Variants in SOHLH2 observed in about 807,000 individuals in gnomAD.
SOHLH2 encodes the protein spermatogenesis- and oogenesis-specific basic helix-loop-helix-containing protein 2.
Under a neutral mutation model 50.4 loss-of-function variants are expected in SOHLH2, and 22 were observed. The observed-to-expected ratio is 0.44, with a 90% CI of 0.31 to 0.62. The LOEUF (loss-of-function observed/expected upper bound fraction) is 0.62, where lower values mean the gene tolerates loss of function less well. Among genes scored for constraint, SOHLH2 ranks in the 20% least tolerant of loss-of-function variants. The pLI is 0.08. For missense variants in SOHLH2, 412 were observed against 504.4 expected, an observed-to-expected ratio of 0.82 and a Z score of 1.76; for synonymous variants, 185 against 187.3, an observed-to-expected ratio of 0.99 and a Z score of 0.10.
intron 1 of SOHLH2, among the ~76,000 whole-genome samples, chr13:36,213,919 T>C (rs996454869): frequency 6.6e-6 from 1 of 152,068 alleles, no homozygotes; most frequent in Admixed American, 6.6e-5. Context: ...ATAAAAATCA[T>C]CGTTCACATT....
chr13:36,177,622 G>A (rs1188569581), intron 6 of SOHLH2, among the ~76,000 whole-genome samples: 1 of 152,076 alleles, frequency 6.6e-6, no homozygotes, highest in Admixed American at 6.5e-5. Context: ...GGCATACACA[G>A]TAGTATCCAT....
intron 6 of SOHLH2, among the ~76,000 whole-genome samples, chr13:36,186,940 A>T (rs960482885): frequency 6.6e-6 from 1 of 152,168 alleles, no homozygotes; most frequent in Non-Finnish European, 1.5e-5. Context: ...GAGGAGGAAG[A>T]AAGGAAACAG....
intron 5 of SOHLH2, among the ~76,000 whole-genome samples, chr13:36,190,549 C>T (rs1358412390): frequency 6.6e-6 from 1 of 152,132 alleles, no homozygotes; most frequent in Non-Finnish European, 1.5e-5. Context: ...TTCAGGCATT[C>T]TGATTGATTT....
At chr13:36,183,929 AAG>A (rs1171134691) in intron 6 of SOHLH2, among the ~76,000 whole-genome samples, 1 of 152,200 alleles carries the variant, frequency 6.6e-6, no homozygotes, top group Non-Finnish European at 1.5e-5. Context: ...GAAAGGGAAA[AAG>A]AGTTGTCACT....
chr13:36,181,491 A>G (rs1337115473), intron 6 of SOHLH2, among the ~76,000 whole-genome samples: 6 of 152,034 alleles, frequency 3.9e-5, no homozygotes, highest in Non-Finnish European at 8.8e-5. Context: ...CATTTTGCCT[A>G]TCTCTTTAGG....
intron 1 of SOHLH2, among the ~76,000 whole-genome samples, chr13:36,207,338 C>T (rs1377402439): frequency 6.6e-6 from 1 of 151,736 alleles, no homozygotes; most frequent in Admixed American, 6.6e-5. Context: ...TACTCTTAGG[C>T]TGATCAAATT....
chr13:36,214,539 C>A lies in SOHLH2; in HGVS notation c.-13G>T, dbSNP rs766643228. ...TTGAGGAAGCCATGGCCGCTGCGCA[C>A]GTGCTGGGTCCTGGGGCAGCCTCCC... On this transcript the variant is annotated 5_prime_UTR_variant, in exon 1 of 11. Coordinates refer to ENST00000379881, the MANE Select transcript of SOHLH2 (RefSeq NM_017826.3). The A allele has an allele frequency of 1.2e-6, 2 of 1,609,550 alleles. No homozygotes were observed. The highest frequency in any genetic ancestry group is 1.7e-6 in the Non-Finnish European group (2 of 1,178,284).
rs367590032 is a variant in SOHLH2, at chr13:36,193,679, C to T, written c.372G>A (p.Leu124=). The T allele has an allele frequency of 2.5e-5, 40 of 1,612,708 alleles. No individual in the cohort carries two copies. Among genetic ancestry groups the T allele is most frequent in the Non-Finnish European group, 3.3e-5 (39 of 1,179,702 alleles). ...HGMDIALTEP[L]TMEKMSNVVK... Reference sequence around the variant, plus strand: ...CCACATTACTCATTTTTTCCATTGTCAGTGGTTCAGTTAAAGCAATATCCA... The same window carrying T: ...CCACATTACTCATTTTTTCCATTGTTAGTGGTTCAGTTAAAGCAATATCCA... Residue 124 remains leucine, a synonymous_variant, in exon 4 of 11, where the codon CTG becomes CTA. Coordinates refer to ENST00000379881, the MANE Select transcript of SOHLH2 (RefSeq NM_017826.3).
At chr13:36,191,713 C>T (rs1566041298) in intron 5 of SOHLH2, 82 bp downstream of exon 5, 3 of 1,538,106 alleles carry the variant, frequency 2.0e-6, no homozygotes, top group East Asian at 2.3e-5. Context: ...ACAGCAAATG[C>T]TGCACCCCTC....
chr13:36,202,121 CA>C (rs1566045397), intron 1 of SOHLH2, 28 bp from the exon 2 acceptor site: 1 of 1,612,022 alleles, frequency 6.2e-7, no homozygotes. Flanking sequence ...AGAGGCGTCA[CA>C]TAATTATTGC....
chr13:36,213,893 CTT>C (rs1869270354), intron 1 of SOHLH2, among the ~76,000 whole-genome samples: 2 of 152,234 alleles, frequency 1.3e-5, no homozygotes, highest in Non-Finnish European at 2.9e-5. Flanking sequence ...CCTAAATAAA[CTT>C]TCTTATATTA....
At chr13:36,209,606 G>A (rs972623964) in intron 1 of SOHLH2, among the ~76,000 whole-genome samples, 1 of 152,132 alleles carries the variant, frequency 6.6e-6, no homozygotes, top group African/African-American at 2.4e-5. Flanking sequence ...CCTCCCTTAT[G>A]ACCTAATCAC....
At chr13:36,203,136 T>C (rs774620873) in intron 1 of SOHLH2, among the ~76,000 whole-genome samples, 1 of 152,208 alleles carries the variant, frequency 6.6e-6, no homozygotes, top group Non-Finnish European at 1.5e-5. Flanking sequence ...CAATCCCTTC[T>C]CTGAAAGGAA....
In SOHLH2 at chr13:36,168,722, T is replaced by C; in HGVS notation, c.*312A>G. The C allele has an allele frequency of 2.6e-6, 1 of 391,148 alleles. No individual in the cohort carries two copies. The highest frequency in any genetic ancestry group is 4.5e-6 in the Non-Finnish European group (1 of 220,368). 24.2% of individuals were successfully genotyped at this position (391,148 alleles called of 1,614,324 possible). A position where few individuals can be genotyped will look rare whatever the true frequency, so the allele number is the denominator to read the frequency against. On this transcript the variant is annotated 3_prime_UTR_variant, in exon 11 of 11. Coordinates refer to ENST00000379881, the MANE Select transcript of SOHLH2 (RefSeq NM_017826.3). Reference sequence around the variant, plus strand: ...ATGGATCTTCCTTATAGCATGCTTTTTTCATAAATTGTGGAATATTTTTTG... The same window carrying C: ...ATGGATCTTCCTTATAGCATGCTTTCTTCATAAATTGTGGAATATTTTTTG...
chr13:36,207,894 A>C (rs1314299646), intron 1 of SOHLH2, among the ~76,000 whole-genome samples: 1 of 152,194 alleles, frequency 6.6e-6, no homozygotes, highest in Non-Finnish European at 1.5e-5. Flanking sequence ...ATGGTGTCAT[A>C]TATCAATGAG....
chr13:36,190,080 C>A, intron 5 of SOHLH2, 24 bp from the exon 6 acceptor site: 1 of 1,577,816 alleles, frequency 6.3e-7, no homozygotes, highest in South Asian at 1.2e-5. Flanking sequence ...AAAATCACAC[C>A]ATACATTAAA....
At chr13:36,171,479 T>A (rs1488944827) in intron 9 of SOHLH2, among the ~76,000 whole-genome samples, 1 of 152,192 alleles carries the variant, frequency 6.6e-6, no homozygotes, top group African/African-American at 2.4e-5. Flanking sequence ...AACTTCCTGA[T>A]GCGGGTAGTG....
At position 36,188,794 on chromosome 13, in the gene SOHLH2, C is replaced by T. The variant is rs184607694; in HGVS notation, c.641+1152G>A. On this transcript the variant is annotated intron_variant, in intron 6 of 10. Transcript: ENST00000379881. ...AATCTTTCTAAGGTTCTTTTCTCCA[C>T]TAGTCCCTTCTCTACGTGCTTCCCA... Among the ~76,000 whole-genome samples, 98 of 152,284 alleles carry T rather than the reference C, an allele frequency of 6.4e-4. 1 individual carries two copies. In the Middle Eastern group the frequency reaches 0.01, roughly 16 times the overall value.
At chr13:36,202,140 T>G in intron 1 of SOHLH2, 47 bp from the exon 2 acceptor site, 2 of 1,604,400 alleles carry the variant, frequency 1.2e-6, no homozygotes, top group Non-Finnish European at 1.7e-6. Flanking sequence ...TGCCTAGGCA[T>G]AGGGAAAATG....
Sources: gnomAD v4.1 joint callset for allele counts (sites outside exome capture counted in the v4.1 genomes callset) on GRCh38, gnomAD v4.1.1 for gene constraint, MANE v1.5 for transcripts, NCBI Gene and HGNC (gene_info 2026-07-23, HGNC 2026-07-21) for gene names.